The following PLA2G4A variants were observed in gnomAD, a reference collection of about 807,000 sequenced individuals.
PLA2G4A encodes cytosolic phospholipase A2.
In PLA2G4A, 40 loss-of-function variants were observed where a neutral mutation model predicts 81.9. The observed-to-expected ratio is 0.49, with a 90% CI of 0.38 to 0.64. The LOEUF (loss-of-function observed/expected upper bound fraction) is 0.64, where lower values mean the gene tolerates loss of function less well. Ranked by LOEUF, PLA2G4A falls within the 30% of genes least tolerant of loss-of-function variation. The probability of loss-of-function intolerance (pLI) is 0.00; values close to 1 mark genes in which losing one functional copy is unlikely to be tolerated. For synonymous variants in PLA2G4A, 302 were observed against 296.9 expected (o/e 1.02, Z -0.18); for missense variants, 715 against 905.1 (o/e 0.79, Z 2.69).
chr1:186,888,529 G>A (rs1202384660), intron 3 of PLA2G4A, among the ~76,000 whole-genome samples: 1 of 152,168 alleles, frequency 6.6e-6, no homozygotes, highest in Non-Finnish European at 1.5e-5. Flanking sequence ...GACCTTATTT[G>A]TGTGTAATAA....
chr1:186,967,536 GT>G (rs149338696), intron 15 of PLA2G4A, among the ~76,000 whole-genome samples: 20,016 of 152,064 alleles, frequency 0.13, 1,646 homozygotes, highest in African/African-American at 0.22. Context: ...TAACATTTTG[GT>G]TTTTTGGGGC....
intron 7 of PLA2G4A, among the ~76,000 whole-genome samples, chr1:186,930,278 G>T (rs1345196375): frequency 6.6e-6 from 1 of 152,132 alleles, no homozygotes; most frequent in Admixed American, 6.6e-5. Flanking sequence ...GATGACAACA[G>T]AAGTATCTGA....
intron 14 of PLA2G4A, among the ~76,000 whole-genome samples, chr1:186,962,598 T>C (rs1656995621): frequency 6.6e-6 from 1 of 152,030 alleles, no homozygotes; most frequent in African/African-American, 2.4e-5. Flanking sequence ...CTCGGCTCTC[T>C]GCAAGCTCCG....
intron 2 of PLA2G4A, among the ~76,000 whole-genome samples, chr1:186,870,174 A>AT (rs1653200483): frequency 6.6e-6 from 1 of 152,076 alleles, no homozygotes. Flanking sequence ...CCTGATTTAC[A>AT]TTTTTTACCA....
At chr1:186,842,459 T>C (rs1268886095) in intron 1 of PLA2G4A, among the ~76,000 whole-genome samples, 1 of 152,232 alleles carries the variant, frequency 6.6e-6, no homozygotes, top group African/African-American at 2.4e-5. Flanking sequence ...GCTGTGTTTA[T>C]GTCATTAAAA....
chr1:186,882,614 G>T (rs993220622), intron 3 of PLA2G4A, among the ~76,000 whole-genome samples: 1 of 152,062 alleles, frequency 6.6e-6, no homozygotes, highest in African/African-American at 2.4e-5. Context: ...TTTGATGGGG[G>T]GTTGGGAGGG....
At position 186,879,904 on chromosome 1, in the gene PLA2G4A, T is replaced by C. The variant is rs571148684; in HGVS notation, c.115+9388T>C. On this transcript the variant is annotated intron_variant, in intron 3 of 17. Transcript: ENST00000367466. ...GTGCACAACATGCAGGTTTGTTACA[T>C]ATGTATACATGTGCCATGTTGGTGT... Among the ~76,000 whole-genome samples the C allele has an allele frequency of 2.6e-5, 4 of 151,974 alleles. No individual in the cohort carries two copies. In the South Asian group the frequency reaches 8.3e-4, roughly 32 times the overall value.
chr1:186,841,388 T>C (rs1256298992), intron 1 of PLA2G4A, among the ~76,000 whole-genome samples: 1 of 152,234 alleles, frequency 6.6e-6, no homozygotes, highest in Non-Finnish European at 1.5e-5. Context: ...ATATATGTTA[T>C]TTTAATTTTG....
chr1:186,894,103 G>T lies in PLA2G4A; in HGVS notation c.270G>T (p.Thr90=). The T allele has an allele frequency of 7.9e-7, 1 of 1,258,038 alleles. No homozygotes were observed. The highest frequency in any genetic ancestry group is 1.2e-6 in the Non-Finnish European group (1 of 855,024). The allele number at this position is 1,258,038 out of a possible 1,614,324, so 77.9% of individuals were successfully genotyped here. Residue 90 remains threonine, a synonymous_variant, in exon 5 of 18, where the codon ACG becomes ACT. Coordinates refer to ENST00000367466, the MANE Select transcript of PLA2G4A (RefSeq NM_024420.3). ...CTTTACATTTTACTCTGTAGATTACGTTAATGGATGCCAATTATGTCATGG... is the reference window on the plus strand; with the variant it reads ...CTTTACATTTTACTCTGTAGATTACTTTAATGGATGCCAATTATGTCATGG... ...DPNQENVLEI[T]LMDANYVMDE...
chr1:186,962,386 T>C (rs982196220), intron 14 of PLA2G4A, among the ~76,000 whole-genome samples: 1 of 152,144 alleles, frequency 6.6e-6, no homozygotes, highest in Admixed American at 6.5e-5. Context: ...ATTGTGTTTT[T>C]AAATGTTAGG....
intron 7 of PLA2G4A, among the ~76,000 whole-genome samples, chr1:186,920,075 C>G (rs1655292081): frequency 6.6e-6 from 1 of 152,200 alleles, no homozygotes; most frequent in Non-Finnish European, 1.5e-5. Flanking sequence ...GGAGGATTAT[C>G]ATTTGCCCAT....
chr1:186,983,816 G>T (rs1221678495), intron 17 of PLA2G4A, among the ~76,000 whole-genome samples: 1 of 152,124 alleles, frequency 6.6e-6, no homozygotes, highest in Non-Finnish European at 1.5e-5. Context: ...TCAAATCCTT[G>T]CTCTGCGGCC....
chr1:186,963,615 G>A (rs1657032227), intron 14 of PLA2G4A, among the ~76,000 whole-genome samples: 1 of 151,990 alleles, frequency 6.6e-6, no homozygotes, highest in Admixed American at 6.6e-5. Context: ...TTTCCTCTTT[G>A]CTTCACCTAT....
chr1:186,944,216 T>C (rs151105354), intron 10 of PLA2G4A, among the ~76,000 whole-genome samples: 1 of 151,996 alleles, frequency 6.6e-6, no homozygotes, highest in Non-Finnish European at 1.5e-5. Flanking sequence ...CCAAAGGAAG[T>C]TGAAAGTACA....
At chr1:186,830,161 C>T (rs920522092) in intron 1 of PLA2G4A, among the ~76,000 whole-genome samples, 1 of 152,044 alleles carries the variant, frequency 6.6e-6, no homozygotes, top group Non-Finnish European at 1.5e-5. Flanking sequence ...TTCATTAGCT[C>T]CGGAAGAGTT....
chr1:186,878,896 G>T (rs2223308), intron 3 of PLA2G4A, among the ~76,000 whole-genome samples: 9 of 151,718 alleles, frequency 5.9e-5, no homozygotes, highest in Non-Finnish European at 1.3e-4. Flanking sequence ...GAGACTAAAT[G>T]TTTCTTAAAT....
rs559181911 is a variant in PLA2G4A, at chr1:186,977,404, A to G, written c.1765-189A>G. On this transcript the variant is annotated intron_variant, in intron 15 of 17. Transcript: ENST00000367466. Reference sequence around the variant, plus strand: ...TAGCCTTGTGCCAAGAATTAACATAACAATAGTGAGTTTGTTTTCAATTTC... The same window carrying G: ...TAGCCTTGTGCCAAGAATTAACATAGCAATAGTGAGTTTGTTTTCAATTTC... Among the ~76,000 whole-genome samples the G allele has an allele frequency of 2.6e-4, 39 of 152,328 alleles. No individual in the cohort carries two copies. In the South Asian group the frequency reaches 7.5e-3, roughly 29 times the overall value.
chr1:186,981,797 A>C (rs996071954), intron 17 of PLA2G4A, among the ~76,000 whole-genome samples: 1 of 152,222 alleles, frequency 6.6e-6, no homozygotes. Context: ...TTAAAAAATA[A>C]TATGAAAGTG....
intron 1 of PLA2G4A, among the ~76,000 whole-genome samples, chr1:186,839,133 T>G (rs989473822): frequency 6.6e-6 from 1 of 152,206 alleles, no homozygotes; most frequent in African/African-American, 2.4e-5. Flanking sequence ...TAAAAATGAT[T>G]TAGTTTTACA....
Sources: allele counts gnomAD v4.1 joint callset (sites outside exome capture counted in the v4.1 genomes callset), GRCh38; gene constraint gnomAD v4.1.1; transcripts MANE v1.5; gene names NCBI Gene and HGNC (gene_info 2026-07-23, HGNC 2026-07-21).